MDFIC2: variants seen among roughly 807,000 people sequenced by gnomAD.
MDFIC2 encodes the protein MyoD family inhibitor domain containing 2, also known as myoD family inhibitor domain-containing protein 2.
chr3:70,252,952 C>T (rs566542252), intron 2 of MDFIC2, among the ~76,000 whole-genome samples: 3 of 151,786 alleles, frequency 2.0e-5, no homozygotes, highest in South Asian at 2.1e-4. Context: ...TGGTGGCAGG[C>T]GCCTGTAATT....
intron 2 of MDFIC2, among the ~76,000 whole-genome samples, chr3:70,278,803 T>C (rs1278313442): frequency 6.6e-6 from 1 of 152,096 alleles, no homozygotes; most frequent in East Asian, 1.9e-4. Flanking sequence ...ATGTTTCCTA[T>C]GCCTCAGATT....
intron 2 of MDFIC2, among the ~76,000 whole-genome samples, chr3:70,236,755 C>G (rs1701613756): frequency 6.6e-6 from 1 of 152,044 alleles, no homozygotes; most frequent in Non-Finnish European, 1.5e-5. Context: ...GCCACCATGG[C>G]TGGCTAATTA....
intron 2 of MDFIC2, among the ~76,000 whole-genome samples, chr3:70,301,355 C>T (rs944500499): frequency 1.3e-5 from 2 of 151,996 alleles, no homozygotes; most frequent in Non-Finnish European, 2.9e-5. Context: ...AAAATTCCAC[C>T]CACATTGTTT....
At chr3:70,200,910 A>T (rs1302274514) in intron 3 of MDFIC2, among the ~76,000 whole-genome samples, 1 of 136,392 alleles carries the variant, frequency 7.3e-6, no homozygotes, top group Non-Finnish European at 1.5e-5. Context: ...TCCCACTGTT[A>T]TATGTGTCAA....
chr3:70,255,502 G>A (rs915783727), intron 2 of MDFIC2, among the ~76,000 whole-genome samples: 1 of 152,134 alleles, frequency 6.6e-6, no homozygotes, highest in African/African-American at 2.4e-5. Context: ...GTTAACTGCA[G>A]CCTTGACCAC....
At chr3:70,200,376 C>G (rs1701225878) in intron 3 of MDFIC2, among the ~76,000 whole-genome samples, 1 of 152,192 alleles carries the variant, frequency 6.6e-6, no homozygotes, top group Non-Finnish European at 1.5e-5. Flanking sequence ...ATTTCTCTGA[C>G]TTCTGGACCT....
At chr3:70,306,375 T>A (rs1191520804) in intron 2 of MDFIC2, among the ~76,000 whole-genome samples, 1 of 152,162 alleles carries the variant, frequency 6.6e-6, no homozygotes, top group East Asian at 1.9e-4. Flanking sequence ...CCTCCCAAAG[T>A]GCTGGGATTA....
intron 2 of MDFIC2, among the ~76,000 whole-genome samples, chr3:70,226,831 T>G (rs1046589547): frequency 3.3e-5 from 5 of 151,070 alleles, no homozygotes; most frequent in Non-Finnish European, 7.4e-5. Context: ...AATATGGAAG[T>G]GTAAAAAAAA....
rs922745321 is a variant in MDFIC2, at chr3:70,196,321, A to G, written c.*605T>C. On this transcript the variant is annotated 3_prime_UTR_variant, in exon 4 of 4. Transcript: ENST00000567252. Reference sequence around the variant, plus strand: ...ACACCATATTCAAAATTCACTGGAGATGTTTTAGAGACATCTGTTGTAATT... The same window carrying G: ...ACACCATATTCAAAATTCACTGGAGGTGTTTTAGAGACATCTGTTGTAATT... 2.6e-5 allele frequency among the ~76,000 whole-genome samples: 4 copies of G among 152,188 alleles called. No individual in the cohort carries two copies. Among genetic ancestry groups the G allele is most frequent in the African/African-American group, 4.8e-5 (2 of 41,442 alleles).
At position 70,195,686 on chromosome 3, in the gene MDFIC2, A is replaced by C. The variant is rs576013220; in HGVS notation, c.*1240T>G. ...GTGTTCTTTGTTTGGTTACTCATGCATGATGCTTTTTTATATTCAGTGAAA... is the reference window on the plus strand; with the variant it reads ...GTGTTCTTTGTTTGGTTACTCATGCCTGATGCTTTTTTATATTCAGTGAAA... On this transcript the variant is annotated 3_prime_UTR_variant, in exon 4 of 4. Coordinates refer to ENST00000567252, the MANE Select transcript of MDFIC2 (RefSeq NM_001364677.1). Among the ~76,000 whole-genome samples, 2 of 152,184 alleles carry C rather than the reference A, an allele frequency of 1.3e-5. No individual in the cohort carries two copies. Among genetic ancestry groups the C allele is most frequent in the Admixed American group, 6.5e-5 (1 of 15,272 alleles).
chr3:70,262,496 G>A (rs1164856544), intron 2 of MDFIC2, among the ~76,000 whole-genome samples: 1 of 152,128 alleles, frequency 6.6e-6, no homozygotes, highest in Non-Finnish European at 1.5e-5. Context: ...GTTTATTATG[G>A]GGATGGCTTG....
chr3:70,296,527 T>C (rs917629687), intron 2 of MDFIC2, among the ~76,000 whole-genome samples: 4 of 152,160 alleles, frequency 2.6e-5, no homozygotes, highest in African/African-American at 9.7e-5. Flanking sequence ...AATCATTTGG[T>C]TACTTAATTC....
In MDFIC2 at chr3:70,279,482, C is replaced by T. The variant is rs561591233; in HGVS notation, c.88+32404G>A. On this transcript the variant is annotated intron_variant, in intron 2 of 3. Transcript: ENST00000567252. ...TTTTCTCTTCATCCCCTGTACCACA[C>T]ACAAATCTTGTGCACTTTCTCAGTT... Among the ~76,000 whole-genome samples, 3 of 152,264 alleles carry T rather than the reference C, an allele frequency of 2.0e-5. No individual in the cohort carries two copies. In the South Asian group the frequency reaches 6.2e-4, roughly 32 times the overall value.
intron 2 of MDFIC2, among the ~76,000 whole-genome samples, chr3:70,256,547 G>T (rs889294097): frequency 2.6e-5 from 4 of 152,078 alleles, no homozygotes; most frequent in Admixed American, 6.6e-5. Context: ...TGACTTTAAA[G>T]AAATTAATAC....
At chr3:70,226,351 A>G (rs1015701399) in intron 2 of MDFIC2, among the ~76,000 whole-genome samples, 1 of 152,218 alleles carries the variant, frequency 6.6e-6, no homozygotes, top group African/African-American at 2.4e-5. Context: ...GCACACACAC[A>G]GCTTTGTGGA....
In MDFIC2 at chr3:70,206,616, A is replaced by T. The variant is rs1701292988; in HGVS notation, c.263T>A (p.Phe88Tyr). Residue 88 changes from phenylalanine to tyrosine, a missense_variant, in exon 3 of 4, where the codon TTT becomes TAT. Coordinates refer to ENST00000567252, the MANE Select transcript of MDFIC2 (RefSeq NM_001364677.1). ...LSSLEECQTT[F>Y]SYLQTDTSVH... ...TGAAGTATCAGTTTGGAGGTAAGAA[A>T]ATGTTGTTTGGCATTCTTCAAGGGA... 1 of 397,650 alleles carries T rather than the reference A, an allele frequency of 2.5e-6. No homozygotes were observed. Among genetic ancestry groups the T allele is most frequent in the African/African-American group, 2.1e-5 (1 of 48,544 alleles). 24.6% of individuals were successfully genotyped at this position (397,650 alleles called of 1,614,324 possible).
intron 2 of MDFIC2, among the ~76,000 whole-genome samples, chr3:70,265,554 T>C (rs182767247): frequency 2.0e-5 from 3 of 152,164 alleles, no homozygotes; most frequent in African/African-American, 7.2e-5. Flanking sequence ...CTCAGGACTT[T>C]TAGGGTGGGG....
chr3:70,310,690 T>C (rs924698348), intron 2 of MDFIC2, among the ~76,000 whole-genome samples: 15 of 152,046 alleles, frequency 9.9e-5, no homozygotes, highest in Middle Eastern at 3.2e-3. Context: ...AAATTAGGGT[T>C]GGGGGTAGGG....
chr3:70,233,178 C>CA (rs916372869), intron 2 of MDFIC2, among the ~76,000 whole-genome samples: 1 of 152,096 alleles, frequency 6.6e-6, no homozygotes, highest in Admixed American at 6.6e-5. Context: ...AACAGAGTCT[C>CA]AGAGTTTGGG....
Sources: gnomAD v4.1 joint callset for allele counts (sites outside exome capture counted in the v4.1 genomes callset) on GRCh38, gnomAD v4.1.1 for gene constraint, MANE v1.5 for transcripts, NCBI Gene and HGNC (gene_info 2026-07-23, HGNC 2026-07-21) for gene names.